ADAMTSL1: variants seen among roughly 807,000 people sequenced by gnomAD.
The protein encoded by ADAMTSL1 is ADAMTS like 1, also known as ADAMTS-like protein 1.
ADAMTSL1 carries 126 observed loss-of-function variants against 201.8 expected under a neutral mutation model. That is an observed-to-expected ratio of 0.62 (90% CI 0.54 to 0.72). ADAMTSL1 has a LOEUF of 0.72. Among genes scored for constraint, ADAMTSL1 ranks in the 30% least tolerant of loss-of-function variants. ADAMTSL1 has a pLI of 0.00. For missense variants in ADAMTSL1, 2,679 were observed against 2,277.8 expected (o/e 1.18, Z -3.59); for synonymous variants, 1,121 against 903.4 (o/e 1.24, Z -4.32).
chr9:17,926,810 C>G (rs1405284184), intron 1 of ADAMTSL1, among the ~76,000 whole-genome samples: 1 of 152,114 alleles, frequency 6.6e-6, no homozygotes, highest in African/African-American at 2.4e-5. Context: ...CTGTGTGTGT[C>G]TATGTGTACA....
At chr9:18,868,742 T>G (rs1270685623) in intron 23 of ADAMTSL1, among the ~76,000 whole-genome samples, 2 of 152,366 alleles carry the variant, frequency 1.3e-5, no homozygotes, top group East Asian at 3.9e-4. Flanking sequence ...ATGCAGATTT[T>G]GGGAGCTCTT....
At chr9:18,835,276 A>G (rs78329518) in intron 23 of ADAMTSL1, among the ~76,000 whole-genome samples, 5,849 of 152,178 alleles carry the variant, frequency 0.038, 151 homozygotes, top group South Asian at 0.098. Flanking sequence ...TCTTTGGTAA[A>G]ATGTCTGCTC....
chr9:18,211,147 A>G (rs775656828), intron 2 of ADAMTSL1, among the ~76,000 whole-genome samples: 3 of 152,226 alleles, frequency 2.0e-5, no homozygotes, highest in East Asian at 1.9e-4. Flanking sequence ...TTTATTTTCT[A>G]TCTCCTTTTC....
chr9:18,511,585 GA>G (rs1195256715), intron 2 of ADAMTSL1, among the ~76,000 whole-genome samples: 1 of 152,044 alleles, frequency 6.6e-6, no homozygotes, highest in African/African-American at 2.4e-5. Flanking sequence ...CATAAATACA[GA>G]AAAAGTAAAA....
At chr9:18,234,778 A>G (rs1278785949) in intron 2 of ADAMTSL1, among the ~76,000 whole-genome samples, 1 of 152,224 alleles carries the variant, frequency 6.6e-6, no homozygotes, top group African/African-American at 2.4e-5. Context: ...GATGTTTCAG[A>G]ACCAGATTTG....
chr9:18,464,321 T>TTA (rs1371413331), intron 2 of ADAMTSL1, among the ~76,000 whole-genome samples: 2 of 152,290 alleles, frequency 1.3e-5, no homozygotes, highest in African/African-American at 2.4e-5. Context: ...GAAGAGAAAA[T>TTA]TATTTCAGCT....
chr9:18,707,926 TC>T (rs1832325336), intron 14 of ADAMTSL1, among the ~76,000 whole-genome samples: 2 of 152,324 alleles, frequency 1.3e-5, no homozygotes, highest in Non-Finnish European at 2.9e-5. Flanking sequence ...TTACGAACTT[TC>T]TTCCCACACT....
At chr9:18,236,105 A>C (rs1830837423) in intron 2 of ADAMTSL1, among the ~76,000 whole-genome samples, 1 of 152,062 alleles carries the variant, frequency 6.6e-6, no homozygotes, top group Admixed American at 6.6e-5. Context: ...CCCTCACCCA[A>C]AATCTATCGG....
intron 1 of ADAMTSL1, among the ~76,000 whole-genome samples, chr9:17,966,548 C>A (rs1463802254): frequency 6.6e-6 from 1 of 152,068 alleles, no homozygotes; most frequent in East Asian, 1.9e-4. Context: ...GTTTTATCAA[C>A]AAAATGTGAT....
chr9:18,391,980 A>G (rs1042796637), intron 2 of ADAMTSL1, among the ~76,000 whole-genome samples: 1 of 151,792 alleles, frequency 6.6e-6, no homozygotes. Context: ...GCCCGCCACC[A>G]TGCCCAGCGA....
chr9:18,851,313 A>G (rs1056112955), intron 23 of ADAMTSL1, among the ~76,000 whole-genome samples: 2 of 152,138 alleles, frequency 1.3e-5, no homozygotes, highest in South Asian at 4.1e-4. Flanking sequence ...TAATAAAGAG[A>G]GTGCTGAATA....
At chr9:18,287,451 T>C (rs1484271966) in intron 2 of ADAMTSL1, among the ~76,000 whole-genome samples, 1 of 151,652 alleles carries the variant, frequency 6.6e-6, no homozygotes, top group Non-Finnish European at 1.5e-5. Context: ...TGTATGTGTA[T>C]TTTACACATA....
At chr9:18,886,499 A>G (rs1358187744) in intron 23 of ADAMTSL1, among the ~76,000 whole-genome samples, 1 of 151,732 alleles carries the variant, frequency 6.6e-6, no homozygotes, top group Non-Finnish European at 1.5e-5. Flanking sequence ...TAACAGACAT[A>G]TAAAAACTAG....
intron 26 of ADAMTSL1, among the ~76,000 whole-genome samples, chr9:18,897,769 A>T (rs978674871): frequency 6.6e-6 from 1 of 152,228 alleles, no homozygotes; most frequent in Non-Finnish European, 1.5e-5. Flanking sequence ...AAAATGCTGA[A>T]AACTCAAAAA....
In ADAMTSL1 at chr9:17,954,197, C is replaced by T. The variant is rs555487382; in HGVS notation, c.87+47275C>T. Among the ~76,000 whole-genome samples, 12 of 152,286 alleles carry T rather than the reference C, an allele frequency of 7.9e-5. No individual in the cohort carries two copies. In the South Asian group the frequency reaches 2.3e-3, roughly 29 times the overall value. ...ATGCTGTGAGGAAGGGTAAAACTTC[C>T]TAAATGGCAGCTGGCTTCTCCTAGA... On this transcript the variant is annotated intron_variant, in intron 1 of 29. Coordinates refer to the ADAMTSL1 transcript ENST00000680146.
At chr9:18,753,815 A>G (rs1819598872) in intron 16 of ADAMTSL1, among the ~76,000 whole-genome samples, 1 of 152,182 alleles carries the variant, frequency 6.6e-6, no homozygotes, top group Non-Finnish European at 1.5e-5. Context: ...AATCAAGACA[A>G]TGTGGTGGGT....
chr9:18,639,522 T>C (rs1827314934), intron 7 of ADAMTSL1, 111 bp downstream of exon 7: 4 of 1,294,712 alleles, frequency 3.1e-6, no homozygotes, highest in Non-Finnish European at 4.2e-6. Context: ...GAAAGCCCGT[T>C]TGTTACCCAG....
At chr9:17,936,495 T>A (rs1171917369) in intron 1 of ADAMTSL1, among the ~76,000 whole-genome samples, 4 of 152,120 alleles carry the variant, frequency 2.6e-5, no homozygotes, top group Non-Finnish European at 4.4e-5. Context: ...GTAGCCTTCG[T>A]TTCCCTTCCG....
intron 20 of ADAMTSL1, among the ~76,000 whole-genome samples, chr9:18,812,642 T>G (rs10811041): frequency 0.085 from 13,013 of 152,260 alleles, 684 homozygotes; most frequent in East Asian, 0.28. Flanking sequence ...AAGTGTTTCC[T>G]CTATGTTTTT....
Sources: gnomAD v4.1 joint callset for allele counts (sites outside exome capture counted in the v4.1 genomes callset) on GRCh38, gnomAD v4.1.1 for gene constraint, MANE v1.5 for transcripts, NCBI Gene and HGNC (gene_info 2026-07-23, HGNC 2026-07-21) for gene names.